Variants in OPRM1 observed in about 807,000 individuals in gnomAD.
OPRM1 encodes opioid receptor mu 1, also known as mu-type opioid receptor.
A neutral mutation model predicts 31.8 loss-of-function variants in OPRM1; 27 were observed. The ratio of observed to expected loss-of-function variants is 0.85; its 90% CI spans 0.63 to 1.17. OPRM1 has a LOEUF of 1.17. Among genes scored for constraint, OPRM1 ranks in the 50% most tolerant of loss-of-function variants. The pLI, the probability that OPRM1 is intolerant of heterozygous loss-of-function variation, is 0.00. For synonymous variants in OPRM1, 196 were observed against 189.9 expected (o/e 1.03, Z -0.26); for missense variants, 536 against 511.1 (o/e 1.05, Z -0.47).
chr6:154,130,032 T>A lies in OPRM1; in HGVS notation c.*11311T>A, dbSNP rs1797802437. 6.6e-6 allele frequency among the ~76,000 whole-genome samples: 1 copy of A among 152,188 alleles called. No individual in the cohort carries two copies. The highest frequency in any genetic ancestry group is 1.5e-5 in the Non-Finnish European group (1 of 68,026). Reference sequence around the variant, plus strand: ...TTTACTTGCACTCTTGTTATTTACATTTGTACTCTGGAAGTAAACTTAAAA... The same window carrying A: ...TTTACTTGCACTCTTGTTATTTACAATTGTACTCTGGAAGTAAACTTAAAA... On this transcript the variant is annotated 3_prime_UTR_variant, in exon 4 of 4. Transcript: ENST00000330432.
At chr6:154,231,578 C>A (rs1375364772) in intron 3 of OPRM1, among the ~76,000 whole-genome samples, 1 of 152,204 alleles carries the variant, frequency 6.6e-6, no homozygotes, top group Non-Finnish European at 1.5e-5. Flanking sequence ...AGAGCAATCT[C>A]TAGGACATAG....
At chr6:154,147,004 G>A (rs1456910962) in intron 3 of OPRM1, among the ~76,000 whole-genome samples, 1 of 152,164 alleles carries the variant, frequency 6.6e-6, no homozygotes, top group Non-Finnish European at 1.5e-5. Context: ...CACAGAGCTG[G>A]TTCTACCTTA....
intron 3 of OPRM1, among the ~76,000 whole-genome samples, chr6:154,171,228 T>C (rs2350876): frequency 2.0e-5 from 3 of 152,282 alleles, no homozygotes; most frequent in Admixed American, 2.0e-4. Context: ...GTTCATCAGC[T>C]GATGAAAGGA....
chr6:154,054,226 G>A (rs548008567), intron 1 of OPRM1, among the ~76,000 whole-genome samples: 5 of 152,014 alleles, frequency 3.3e-5, no homozygotes, highest in South Asian at 4.2e-4. Flanking sequence ...AAAATTAGCC[G>A]GGCATGGCGG....
rs141996791 is a variant in OPRM1 at position 154,147,633 on chromosome 6, C to G, written c.1164+56161C>G. On this transcript the variant is annotated intron_variant, in intron 3 of 3. Transcript: ENST00000337049. Reference sequence around the variant, plus strand: ...TACTCTTCCTTCTTCTATTAAGAAACAGCAAATCCTACCTCCTCATGATTA... The same window carrying G: ...TACTCTTCCTTCTTCTATTAAGAAAGAGCAAATCCTACCTCCTCATGATTA... 3.9e-3 allele frequency among the ~76,000 whole-genome samples: 601 copies of G among 152,272 alleles called. 1 individual carries two copies. Among genetic ancestry groups the G allele is most frequent in the African/African-American group, 0.013 (560 of 41,562 alleles).
At chr6:154,109,010 C>T (rs1796016596) in intron 3 of OPRM1, 2 of 985,000 alleles carry the variant, frequency 2.0e-6, no homozygotes, top group East Asian at 2.3e-4. Context: ...TGATAAAAGC[C>T]ATCTAACCTG....
At chr6:154,241,627 C>T (rs1166319996) in intron 3 of OPRM1, among the ~76,000 whole-genome samples, 4 of 152,232 alleles carry the variant, frequency 2.6e-5, no homozygotes, top group South Asian at 4.1e-4. Flanking sequence ...TTGCGTAGTG[C>T]GCCCTACATT....
intron 1 of OPRM1, among the ~76,000 whole-genome samples, chr6:154,053,553 T>C (rs1199257454): frequency 6.6e-6 from 1 of 152,116 alleles, no homozygotes; most frequent in Non-Finnish European, 1.5e-5. Flanking sequence ...TAAAAAGGAG[T>C]GCTAGGGTAG....
chr6:154,114,186 G>A (rs78273768), intron 3 of OPRM1, among the ~76,000 whole-genome samples: 2,363 of 152,228 alleles, frequency 0.016, 56 homozygotes, highest in African/African-American at 0.053. Flanking sequence ...GATCTAAATA[G>A]TCCAATTAAG....
chr6:154,113,193 T>C (rs1413395870), intron 3 of OPRM1, among the ~76,000 whole-genome samples: 2 of 152,220 alleles, frequency 1.3e-5, no homozygotes, highest in African/African-American at 2.4e-5. Context: ...TCTCATTGGC[T>C]AGGGTAGCTA....
intron 3 of OPRM1, among the ~76,000 whole-genome samples, chr6:154,233,278 C>T (rs1235107780): frequency 1.3e-5 from 2 of 152,252 alleles, no homozygotes; most frequent in South Asian, 4.1e-4. Context: ...CTGAGCCATC[C>T]GACTAGCTGT....
intron 3 of OPRM1, among the ~76,000 whole-genome samples, chr6:154,116,964 G>T (rs558314390): frequency 6.6e-6 from 1 of 152,090 alleles, no homozygotes; most frequent in African/African-American, 2.4e-5. Context: ...ACTTGACACC[G>T]TTGTGCTTTC....
Position 154,087,527 on chromosome 6 carries a change from C to G in OPRM1, c.291-2299C>G, listed in dbSNP as rs1303832981. ...CAAATCCACATCCTCCGGATTAGGTCCATTTTCAGACAAGCTCCTCCAGCA... is the reference window on the plus strand; with the variant it reads ...CAAATCCACATCCTCCGGATTAGGTGCATTTTCAGACAAGCTCCTCCAGCA... On this transcript the variant is annotated intron_variant, in intron 1 of 3. Transcript: ENST00000330432. The G allele has an allele frequency of 4.1e-6, 4 of 985,368 alleles. No homozygotes were observed. In the African/African-American group the frequency reaches 7.0e-5, roughly 17 times the overall value. The allele number at this position is 985,368 out of a possible 1,614,324, so 61.0% of individuals were successfully genotyped here.
intron 3 of OPRM1, among the ~76,000 whole-genome samples, chr6:154,147,879 T>A (rs1379381583): frequency 6.6e-6 from 1 of 152,174 alleles, no homozygotes; most frequent in African/African-American, 2.4e-5. Flanking sequence ...CCAGTCCTAT[T>A]TTCACCCCTT....
intron 3 of OPRM1, among the ~76,000 whole-genome samples, chr6:154,230,621 G>C (rs1779644718): frequency 1.3e-5 from 2 of 152,288 alleles, no homozygotes; most frequent in Non-Finnish European, 2.9e-5. Context: ...AGAGGACCAA[G>C]CCAGAAACAG....
At chr6:154,236,200 A>C (rs1479917625) in intron 3 of OPRM1, among the ~76,000 whole-genome samples, 1 of 152,222 alleles carries the variant, frequency 6.6e-6, no homozygotes, top group Non-Finnish European at 1.5e-5. Context: ...CATCAAGGGG[A>C]TAAGATTCAG....
Position 154,095,006 on chromosome 6 carries a change from T to G in OPRM1, c.1164+3534T>G, listed in dbSNP as rs147694428. Among the ~76,000 whole-genome samples the G allele has an allele frequency of 3.4e-3, 525 of 152,308 alleles. 6 individuals are homozygous for G. Among genetic ancestry groups the G allele is most frequent in the Non-Finnish European group, 6.3e-3 (431 of 68,034 alleles). On this transcript the variant is annotated intron_variant, in intron 3 of 3. Transcript: ENST00000330432. ...GTCTAGCACATTAAAAAGAAAGTACTTCTGGCCAGGCACAGTAGCTCATGC... is the reference window on the plus strand; with the variant it reads ...GTCTAGCACATTAAAAAGAAAGTACGTCTGGCCAGGCACAGTAGCTCATGC...
intron 1 of OPRM1, among the ~76,000 whole-genome samples, chr6:154,021,845 C>T (rs549689638): frequency 0.026 from 4,015 of 151,578 alleles, 171 homozygotes; most frequent in African/African-American, 0.093. Context: ...GGAGGGTTTT[C>T]TCTTTTTTTT....
chr6:154,244,089 A>G (rs1222198122), intron 3 of OPRM1, among the ~76,000 whole-genome samples: 2 of 152,188 alleles, frequency 1.3e-5, no homozygotes, highest in African/African-American at 4.8e-5. Flanking sequence ...GCTTAGGCTT[A>G]GGTGCTTTGA....
Sources: allele counts gnomAD v4.1 joint callset (sites outside exome capture counted in the v4.1 genomes callset), GRCh38; gene constraint gnomAD v4.1.1; transcripts MANE v1.5; gene names NCBI Gene and HGNC (gene_info 2026-07-23, HGNC 2026-07-21).